Variants in LGI3 observed in about 807,000 individuals in gnomAD.
The protein encoded by LGI3 is leucine-rich repeat LGI family member 3.
In LGI3, 47 loss-of-function variants were observed where a neutral mutation model predicts 55.4. That is an observed-to-expected ratio of 0.85 (90% CI 0.67 to 1.08). LGI3 has a LOEUF of 1.08. Among genes scored for constraint, LGI3 ranks in the 50% least tolerant of loss-of-function variants. The pLI, the probability that LGI3 is intolerant of heterozygous loss-of-function variation, is 0.00. For missense variants in LGI3, 664 were observed against 726.3 expected, an observed-to-expected ratio of 0.91 and a Z score of 0.99; for synonymous variants, 326 against 315.0, an observed-to-expected ratio of 1.04 and a Z score of -0.37.
At chr8:22,153,287 G>C (rs766285649) in intron 5 of LGI3, among the ~76,000 whole-genome samples, 28 of 151,114 alleles carry the variant, frequency 1.9e-4, no homozygotes, top group Non-Finnish European at 2.2e-4. Flanking sequence ...GTTTCACCAT[G>C]TTGGCCAGGC....
In LGI3 at chr8:22,147,118, G is replaced by T. The variant is rs1449632809; in HGVS notation, c.*1042C>A. 6.6e-6 allele frequency: 1 copy of T among 152,350 alleles called. No homozygotes were observed. Among genetic ancestry groups the T allele is most frequent in the Non-Finnish European group, 1.5e-5 (1 of 68,158 alleles). 9.4% of individuals were successfully genotyped at this position (152,350 alleles called of 1,614,324 possible). A position where few individuals can be genotyped will look rare whatever the true frequency, so the allele number is the denominator to read the frequency against. ...GCCAAGCTCCACTCTGGGCACCCTCGCAGGTAACTCAGGTGCTTGCAGCTC... is the reference window on the plus strand; with the variant it reads ...GCCAAGCTCCACTCTGGGCACCCTCTCAGGTAACTCAGGTGCTTGCAGCTC... On this transcript the variant is annotated 3_prime_UTR_variant, in exon 8 of 8. Coordinates refer to ENST00000306317, the MANE Select transcript of LGI3 (RefSeq NM_139278.4).
At position 22,147,951 on chromosome 8, in the gene LGI3, G is replaced by C; in HGVS notation, c.*209C>G. 1.8e-6 allele frequency: 1 copy of C among 558,946 alleles called. No individual in the cohort carries two copies. Among genetic ancestry groups the C allele is most frequent in the Admixed American group, 3.5e-5 (1 of 28,494 alleles). 34.6% of individuals were successfully genotyped at this position (558,946 alleles called of 1,614,324 possible). On this transcript the variant is annotated 3_prime_UTR_variant, in exon 8 of 8. Coordinates refer to ENST00000306317, the MANE Select transcript of LGI3 (RefSeq NM_139278.4). Reference sequence around the variant, plus strand: ...GGAACTGGGCGTTAGGTGTCCCAGGGGTGCCTGGTGTTCATGCTGATTGCA... The same window carrying C: ...GGAACTGGGCGTTAGGTGTCCCAGGCGTGCCTGGTGTTCATGCTGATTGCA...
chr8:22,152,119 C>T (rs1235057081), intron 5 of LGI3, 119 bp from the exon 6 acceptor site: 3 of 738,772 alleles, frequency 4.1e-6, no homozygotes, highest in Non-Finnish European at 6.4e-6. Flanking sequence ...AAGTTGCTCA[C>T]ATGCATCTTT....
chr8:22,152,697 C>A (rs1172034500), intron 5 of LGI3, among the ~76,000 whole-genome samples: 1 of 147,526 alleles, frequency 6.8e-6, no homozygotes, highest in Non-Finnish European at 1.5e-5. Context: ...GCGGAGATCA[C>A]GCCATTGCAC....
intron 2 of LGI3, 64 bp downstream of exon 2, chr8:22,155,328 C>T: frequency 6.7e-7 from 1 of 1,487,296 alleles, no homozygotes. Context: ...CTCCCCAGCC[C>T]AGGATTTGTC....
rs759114985 is a variant in LGI3, at chr8:22,154,834, T to C, written c.279-203A>G. The C allele has an allele frequency of 6.9e-6, 4 of 578,328 alleles. No individual in the cohort carries two copies. In the South Asian group the frequency reaches 8.1e-5, roughly 12 times the overall value. 35.8% of individuals were successfully genotyped at this position (578,328 alleles called of 1,614,324 possible). A position where few individuals can be genotyped will look rare whatever the true frequency, so the allele number is the denominator to read the frequency against. On this transcript the variant is annotated intron_variant, in intron 2 of 7. Coordinates refer to ENST00000306317, the MANE Select transcript of LGI3 (RefSeq NM_139278.4). ...GCCCCAGAAGCTCCCAGGGTCCCTG[T>C]TGGATCCTAAACATGGGCCAAGGCA...
Position 22,148,359 on chromosome 8 carries a change from A to G in LGI3, c.1448T>C (p.Leu483Pro). Residue 483 changes from leucine (L) to proline (P), a missense_variant, in exon 8 of 8, where the codon CTG becomes CCG. Leu to Pro is a moderately conservative substitution (Grantham distance 98). Coordinates refer to ENST00000306317, the MANE Select transcript of LGI3 (RefSeq NM_139278.4). This position sits in a 1 kb window ranked among gnomAD's most constrained non-coding sequence, Gnocchi z 7.0. ...FLVGGRRYLALGSDFSFTQIY... is the reference protein window; with the variant it reads ...FLVGGRRYLAPGSDFSFTQIY... The stretch of plus-strand genomic sequence containing the variant: ...CTGGGTGAAGGAGAAATCACTGCCC[A>G]GTGCCAGGTAGCGGCGGCCACCCAC... The G allele has an allele frequency of 6.2e-7, 1 of 1,613,962 alleles. No individual in the cohort carries two copies. Among genetic ancestry groups the G allele is most frequent in the Non-Finnish European group, 8.5e-7 (1 of 1,179,956 alleles).
At chr8:22,154,793 G>A (rs1015357365) in intron 2 of LGI3, 162 bp from the exon 3 acceptor site, 4 of 618,872 alleles carry the variant, frequency 6.5e-6, no homozygotes, top group Non-Finnish European at 1.2e-5. Flanking sequence ...ACAAGGCCAG[G>A]CAGGAGCCTG....
At position 22,156,342 on chromosome 8, in the gene LGI3, G is replaced by A. The variant is rs368494159; in HGVS notation, c.201C>T (p.Ile67=). Residue 67 remains isoleucine (I), a synonymous_variant, in exon 1 of 8, where the codon ATC becomes ATT. Transcript: ENST00000306317. ...GGCCAGGGCTGGACACTCACAGGGA[G>A]ATGACCTCCGAGGGCAGGTTCCTGG... ...AVPRNLPSEV[I]SLTLVNAAFS... The A allele has an allele frequency of 6.2e-7, 1 of 1,609,932 alleles. No homozygotes were observed. Among genetic ancestry groups the A allele is most frequent in the Non-Finnish European group, 8.5e-7 (1 of 1,178,874 alleles).
chr8:22,147,419 C>T lies in LGI3; in HGVS notation c.*741G>A, dbSNP rs896210872. On this transcript the variant is annotated 3_prime_UTR_variant, in exon 8 of 8. Transcript: ENST00000306317. ...TTGCTTCGGGCAGAGGGGCTTTGCCCCCAGGAGGCCAAGCAGGCCCTCAGA... is the reference window on the plus strand; with the variant it reads ...TTGCTTCGGGCAGAGGGGCTTTGCCTCCAGGAGGCCAAGCAGGCCCTCAGA... 3.3e-5 allele frequency: 5 copies of T among 152,180 alleles called. No individual in the cohort carries two copies. Among genetic ancestry groups the T allele is most frequent in the African/African-American group, 1.2e-4 (5 of 41,388 alleles). 9.4% of individuals were successfully genotyped at this position (152,180 alleles called of 1,614,324 possible). A position where few individuals can be genotyped will look rare whatever the true frequency, so the allele number is the denominator to read the frequency against.
chr8:22,148,377 C>T lies in LGI3; in HGVS notation c.1430G>A (p.Gly477Asp), dbSNP rs1827333453. The T allele has an allele frequency of 1.2e-6, 2 of 1,613,146 alleles. No individual in the cohort carries two copies. Among genetic ancestry groups the T allele is most frequent in the Admixed American group, 1.7e-5 (1 of 59,974 alleles). Residue 477 changes from glycine to aspartate, a missense_variant, in exon 8 of 8, where the codon GGC becomes GAC. By Grantham distance (94) the Gly-to-Asp change is moderately conservative. Transcript: ENST00000306317. This position sits in a 1 kb window ranked among gnomAD's most constrained non-coding sequence, Gnocchi z 7.0. ...SLALQPFLVG[G>D]RRYLALGSDF... ...ACTGCCCAGTGCCAGGTAGCGGCGG[C>T]CACCCACAAGGAAGGGCTGCAGGGC...
At position 22,156,317 on chromosome 8, in the gene LGI3, G is replaced by A; in HGVS notation, c.206+20C>T. ...CCTCCTCTCCCTCCCCAACCCCCAAGGCCAGGGCTGGACACTCACAGGGAG... is the reference window on the plus strand; with the variant it reads ...CCTCCTCTCCCTCCCCAACCCCCAAAGCCAGGGCTGGACACTCACAGGGAG... On this transcript the variant is annotated intron_variant, in intron 1 of 7. Transcript: ENST00000306317. The A allele has an allele frequency of 6.2e-7, 1 of 1,609,996 alleles. No individual in the cohort carries two copies. The highest frequency in any genetic ancestry group is 8.5e-7 in the Non-Finnish European group (1 of 1,179,012).
chr8:22,156,332 C>G lies in LGI3; in HGVS notation c.206+5G>C. The G allele has an allele frequency of 6.2e-7, 1 of 1,610,634 alleles. No individual in the cohort carries two copies. Among genetic ancestry groups the G allele is most frequent in the Non-Finnish European group, 8.5e-7 (1 of 1,179,254 alleles). On this transcript the variant is annotated splice_donor_5th_base_variant and intron_variant, in intron 1 of 7. Transcript: ENST00000306317. ...CAACCCCCAAGGCCAGGGCTGGACA[C>G]TCACAGGGAGATGACCTCCGAGGGC...
Position 22,151,444 on chromosome 8 carries a change from CCT to C in LGI3, c.829+43_829+44del, listed in dbSNP as rs768778228. On this transcript the variant is annotated intron_variant, in intron 7 of 7. Transcript: ENST00000306317. ...GGTTGAACGATGGAGCCCACTCCCC[CCT>C]CCCCCTAGCAAGGGCCAGCAGAACC... The C allele has an allele frequency of 3.1e-6, 5 of 1,590,642 alleles. No homozygotes were observed. In the South Asian group the frequency reaches 5.6e-5, roughly 18 times the overall value.
At chr8:22,151,789 G>T in intron 6 of LGI3, 42 bp downstream of exon 6, 2 of 1,582,348 alleles carry the variant, frequency 1.3e-6, no homozygotes, top group South Asian at 1.2e-5. Context: ...AGCTGCCTTG[G>T]GGTAGGCGTG....
At position 22,148,470 on chromosome 8, in the gene LGI3, G is replaced by C. The variant is rs1207434185; in HGVS notation, c.1337C>G (p.Ser446Cys). The C allele has an allele frequency of 6.2e-7, 1 of 1,612,774 alleles. No homozygotes were observed. Among genetic ancestry groups the C allele is most frequent in the Admixed American group, 1.7e-5 (1 of 60,004 alleles). Residue 446 changes from serine to cysteine, a missense_variant, in exon 8 of 8, where the codon TCC (serine) becomes TGC (cysteine). Physicochemically the swap from Ser to Cys is moderately radical, Grantham distance 112 (BLOSUM62 -1). Coordinates refer to ENST00000306317, the MANE Select transcript of LGI3 (RefSeq NM_139278.4). The surrounding 1 kb of genome is among the most constrained non-coding windows in gnomAD (Gnocchi z 7.0). ...GGTACCCTCCCAGCGCAGGATCTTG[G>C]AGTCGCCAATGTAGCGGCTGAGGCA... ...YLCLSRYIGD[S>C]KILRWEGTRF...
intron 7 of LGI3, among the ~76,000 whole-genome samples, chr8:22,150,227 T>A (rs545174217): frequency 2.0e-5 from 3 of 152,086 alleles, no homozygotes; most frequent in African/African-American, 7.2e-5. Flanking sequence ...GGCCAGGAGG[T>A]TTTTTTAGGA....
intron 5 of LGI3, 34 bp from the exon 6 acceptor site, chr8:22,152,034 G>A: frequency 6.5e-7 from 1 of 1,545,498 alleles, no homozygotes; most frequent in Non-Finnish European, 8.8e-7. Context: ...GGGGCACAGA[G>A]AAAGACATGC....
Position 22,148,764 on chromosome 8 carries a change from C to A in LGI3, c.1043G>T (p.Ser348Ile). 1 of 1,614,188 alleles carries A rather than the reference C, an allele frequency of 6.2e-7. No homozygotes were observed. The highest frequency in any genetic ancestry group is 8.5e-7 in the Non-Finnish European group (1 of 1,180,044). ...GAGGCTGGTGGCGCCTGCCTTGGAG[C>A]TGTCAGCCACGGCAAAGTACCAGTC... Reference protein sequence around the residue: ...DGDWYFAVADSSKAGATSLYR... With the variant: ...DGDWYFAVADISKAGATSLYR... The change falls in exon 8 of 8, where the codon AGC (serine) becomes ATC (isoleucine). Residue 348 changes from serine (S) to isoleucine (I), a missense_variant. Ser to Ile is a moderately radical substitution (Grantham distance 142). Transcript: ENST00000306317. The surrounding 1 kb of genome is among the most constrained non-coding windows in gnomAD (Gnocchi z 7.0).
Sources: allele counts gnomAD v4.1 joint callset (sites outside exome capture counted in the v4.1 genomes callset), GRCh38; gene constraint gnomAD v4.1.1; non-coding constraint Gnocchi (gnomAD v3.1); transcripts MANE v1.5; gene names NCBI Gene and HGNC (gene_info 2026-07-23, HGNC 2026-07-21).